The following ADAP1 variants were observed in gnomAD, a reference collection of about 807,000 sequenced individuals.
ADAP1 encodes ArfGAP with dual PH domains 1.
Under a neutral mutation model 54.9 loss-of-function variants are expected in ADAP1, and 31 were observed. The observed-to-expected ratio is 0.56, with a 90% CI of 0.42 to 0.76. The LOEUF (loss-of-function observed/expected upper bound fraction) is 0.76. Among genes scored for constraint, ADAP1 ranks in the 30% least tolerant of loss-of-function variants. The pLI, the probability that ADAP1 is intolerant of heterozygous loss-of-function variation, is 0.00. For missense variants in ADAP1, 535 were observed against 512.4 expected (o/e 1.04, Z -0.42); for synonymous variants, 313 against 202.6 (o/e 1.55, Z -4.63).
chr7:901,830 A>G (rs1302537676), intron 6 of ADAP1, among the ~76,000 whole-genome samples: 1 of 148,292 alleles, frequency 6.7e-6, no homozygotes, highest in Non-Finnish European at 1.5e-5. Flanking sequence ...TCCTAGAGGA[A>G]GCTGAACCCG....
rs972591710 is a variant in ADAP1 at position 904,378 on chromosome 7, G to A, written c.502-106C>T. 7 of 1,422,422 alleles carry A rather than the reference G, an allele frequency of 4.9e-6. No homozygotes were observed. The Admixed American group carries it at 1.2e-4, about 25-fold the overall frequency. 88.1% of individuals were successfully genotyped at this position (1,422,422 alleles called of 1,614,324 possible). ...GCTGGCGGCGCACCTGCTGTGCTGTGTGGCTTTGGGCAAGTTACTTAAGCG... is the reference window on the plus strand; with the variant it reads ...GCTGGCGGCGCACCTGCTGTGCTGTATGGCTTTGGGCAAGTTACTTAAGCG... On this transcript the variant is annotated intron_variant, in intron 5 of 10. Coordinates refer to ENST00000265846, the MANE Select transcript of ADAP1 (RefSeq NM_006869.4).
rs760745629 is a variant in ADAP1, at chr7:903,148, C to T, written c.648+978G>A. ...GAGACAACAGTCTGCGGAGAGTCTG[C>T]GGCAACACATGGTCAACTGCGGCAA... On this transcript the variant is annotated intron_variant, in intron 6 of 10. Coordinates refer to ENST00000265846, the MANE Select transcript of ADAP1 (RefSeq NM_006869.4). 3.3e-5 allele frequency among the ~76,000 whole-genome samples: 5 copies of T among 151,924 alleles called. No individual in the cohort carries two copies. The South Asian group carries it at 6.7e-4, about 20-fold the overall frequency.
At chr7:954,073 G>A (rs1264207507) in intron 1 of ADAP1, among the ~76,000 whole-genome samples, 1 of 152,078 alleles carries the variant, frequency 6.6e-6, no homozygotes, top group African/African-American at 2.4e-5. Flanking sequence ...TGCGGAGCCC[G>A]AGCTTTCGCA....
At chr7:903,887 C>A in intron 6 of ADAP1, 1 of 489,300 alleles carries the variant, frequency 2.0e-6, no homozygotes, top group Non-Finnish European at 3.6e-6. Flanking sequence ...GGCAGCCCGG[C>A]CCTGGGAAGC....
At chr7:914,795 A>G (rs1047681557) in intron 4 of ADAP1, among the ~76,000 whole-genome samples, 2 of 152,092 alleles carry the variant, frequency 1.3e-5, no homozygotes, top group Non-Finnish European at 2.9e-5. Flanking sequence ...AGCAGCCTGG[A>G]GCACAGACAG....
chr7:908,894 G>A (rs1187635138), intron 4 of ADAP1, among the ~76,000 whole-genome samples: 3 of 152,242 alleles, frequency 2.0e-5, no homozygotes. Context: ...GCTGGGTCCA[G>A]TGTGTCGGTT....
At chr7:905,737 GAAAGGAGAAGGGAGAAGGGAGAAGGGA>G (rs1562912808) in intron 4 of ADAP1, 4 of 2,270 alleles carry the variant, frequency 1.8e-3, no homozygotes, top group Admixed American at 5.0e-3. Context: ...AGGAGAAAGG[GAAAGGAGAAGGGAGAAGGGAGAAGGGA>G]GAAAGGAGAA....
intron 4 of ADAP1, 77 bp from the exon 5 acceptor site, chr7:905,249 A>AGAGGGGACATGGG (rs1423821442): frequency 8.0e-6 from 8 of 995,416 alleles, no homozygotes; most frequent in Admixed American, 4.0e-5. Flanking sequence ...TGGACAGGAC[A>AGAGGGGACATGGG]GAGGGGACAT....
Position 904,376 on chromosome 7 carries a change from G to A in ADAP1, c.502-104C>T, listed in dbSNP as rs1401029841. 3.5e-6 allele frequency: 5 copies of A among 1,433,942 alleles called. No individual in the cohort carries two copies. In the South Asian group the frequency reaches 4.2e-5, roughly 12 times the overall value. 88.8% of individuals were successfully genotyped at this position (1,433,942 alleles called of 1,614,324 possible). On this transcript the variant is annotated intron_variant, in intron 5 of 10. Coordinates refer to ENST00000265846, the MANE Select transcript of ADAP1 (RefSeq NM_006869.4). The stretch of plus-strand genomic sequence containing the variant: ...GTGCTGGCGGCGCACCTGCTGTGCT[G>A]TGTGGCTTTGGGCAAGTTACTTAAG...
chr7:906,734 GGA>G (rs1845443939), intron 4 of ADAP1, among the ~76,000 whole-genome samples: 1 of 37,850 alleles, frequency 2.6e-5, no homozygotes, highest in Non-Finnish European at 5.1e-5. Flanking sequence ...GGGACATGGG[GGA>G]CAGAGTACAT....
At chr7:906,777 G>T (rs1272219297) in intron 4 of ADAP1, among the ~76,000 whole-genome samples, 1,738 of 13,664 alleles carry the variant, frequency 0.13, 224 homozygotes, top group African/African-American at 0.27. Context: ...ATGGGGGACA[G>T]GGGACACGGG....
intron 4 of ADAP1, among the ~76,000 whole-genome samples, chr7:910,931 C>G (rs10279968): frequency 0.34 from 51,441 of 152,078 alleles, 8,889 homozygotes; most frequent in African/African-American, 0.37. Context: ...GAGCCCACGG[C>G]AGAGCAGTGT....
chr7:919,872 G>T, intron 4 of ADAP1, 96 bp downstream of exon 4: 1 of 543,120 alleles, frequency 1.8e-6, no homozygotes, highest in Non-Finnish European at 2.9e-6. Context: ...GGGAGGGAGG[G>T]AAAGAGATGG....
chr7:905,161 C>T lies in ADAP1; in HGVS notation c.400G>A (p.Gly134Ser). Residue 134 changes from glycine (G) to serine (S), a missense_variant, in exon 5 of 11, where the codon GGT becomes AGT. Transcript: ENST00000265846. ...TCCCGGCCACGCTTCCAGAGAAAAC[C>T]CTCACGGTACCCTGTGGGGGAAAGG... ...QEPYSAGYRE[G>S]FLWKRGRDNG... The T allele has an allele frequency of 2.5e-6, 4 of 1,611,868 alleles. No individual in the cohort carries two copies. The highest frequency in any genetic ancestry group is 1.3e-5 in the African/African-American group (1 of 75,014).
chr7:910,105 G>A (rs1265370985), intron 4 of ADAP1, among the ~76,000 whole-genome samples: 2 of 152,190 alleles, frequency 1.3e-5, no homozygotes, highest in Non-Finnish European at 2.9e-5. Context: ...GGGGACGCCG[G>A]CCCTTCCACG....
At chr7:903,134 C>G (rs1844905513) in intron 6 of ADAP1, among the ~76,000 whole-genome samples, 1 of 152,184 alleles carries the variant, frequency 6.6e-6, no homozygotes, top group South Asian at 2.1e-4. Flanking sequence ...AGACAACAGT[C>G]TGCGGAGAGT....
chr7:935,046 A>C (rs1038471757), intron 2 of ADAP1: 1 of 475,964 alleles, frequency 2.1e-6, no homozygotes, highest in Non-Finnish European at 4.2e-6. Flanking sequence ...TTTTACCCTG[A>C]GCCCAGTGCT....
chr7:935,047 GC>G, intron 2 of ADAP1: 1 of 481,724 alleles, frequency 2.1e-6, no homozygotes, highest in South Asian at 1.6e-5. Context: ...TTTACCCTGA[GC>G]CCAGTGCTCC....
intron 4 of ADAP1, among the ~76,000 whole-genome samples, chr7:906,861 G>T (rs1427333071): frequency 6.6e-6 from 1 of 151,328 alleles, no homozygotes; most frequent in African/African-American, 2.5e-5. Flanking sequence ...ATATGACAGT[G>T]GACCAGCGCT....
Sources: allele counts gnomAD v4.1 joint callset (sites outside exome capture counted in the v4.1 genomes callset), GRCh38; gene constraint gnomAD v4.1.1; transcripts MANE v1.5; gene names NCBI Gene and HGNC (gene_info 2026-07-23, HGNC 2026-07-21).